The following KAZN variants were observed in gnomAD, a reference collection of about 807,000 sequenced individuals.
KAZN encodes kazrin, periplakin interacting protein.
A neutral mutation model predicts 87.4 loss-of-function variants in KAZN; 40 were observed. That is an observed-to-expected ratio of 0.46 (90% CI 0.36 to 0.60). The LOEUF is 0.60. Among genes scored for constraint, KAZN ranks in the 20% least tolerant of loss-of-function variants. KAZN has a pLI of 0.00. For synonymous variants in KAZN, 466 were observed against 458.3 expected (o/e 1.02, Z -0.22); for missense variants, 898 against 1,073.9 (o/e 0.84, Z 2.29).
intron 2 of KAZN, among the ~76,000 whole-genome samples, chr1:14,540,167 A>T (rs566825715): frequency 6.6e-6 from 1 of 152,302 alleles, no homozygotes; most frequent in Non-Finnish European, 1.5e-5. Flanking sequence ...CTTTCAGGGA[A>T]ATCAACGTTT....
At chr1:14,046,715 C>T (rs1217876513) in intron 1 of KAZN, among the ~76,000 whole-genome samples, 3 of 152,178 alleles carry the variant, frequency 2.0e-5, no homozygotes, top group Non-Finnish European at 4.4e-5. Flanking sequence ...TGCCCTCTTC[C>T]TTACCTGCAC....
intron 8 of KAZN, among the ~76,000 whole-genome samples, chr1:15,072,017 TCCAGAGGAC>T (rs1350715730): frequency 2.6e-5 from 4 of 152,148 alleles, no homozygotes; most frequent in African/African-American, 7.2e-5. Context: ...TTTGCCCCCA[TCCAGAGGAC>T]CCTTGTAGCC....
chr1:13,979,111 A>G (rs1234839402), intron 1 of KAZN, among the ~76,000 whole-genome samples: 1 of 151,946 alleles, frequency 6.6e-6, no homozygotes, highest in Non-Finnish European at 1.5e-5. Context: ...AAAAAAAAAA[A>G]GCAAAATTTG....
chr1:14,567,943 C>T (rs1271170929), intron 2 of KAZN, among the ~76,000 whole-genome samples: 3 of 152,210 alleles, frequency 2.0e-5, no homozygotes, highest in Non-Finnish European at 4.4e-5. Flanking sequence ...ATATAAACCC[C>T]CTCGCTTCAG....
chr1:14,656,353 C>A (rs1638791484), intron 1 of KAZN, among the ~76,000 whole-genome samples: 1 of 152,136 alleles, frequency 6.6e-6, no homozygotes, highest in Non-Finnish European at 1.5e-5. Context: ...TCCACCTAAC[C>A]CAGACAGTGG....
At chr1:14,285,447 CCAAGACTG>C (rs1372955645) in intron 2 of KAZN, among the ~76,000 whole-genome samples, 2 of 152,176 alleles carry the variant, frequency 1.3e-5, no homozygotes, top group Non-Finnish European at 2.9e-5. Flanking sequence ...TGAGAACTGG[CCAAGACTG>C]AGGCTCAGGA....
intron 1 of KAZN, among the ~76,000 whole-genome samples, chr1:13,992,985 T>A (rs766495311): frequency 6.6e-6 from 1 of 152,222 alleles, no homozygotes; most frequent in Non-Finnish European, 1.5e-5. Context: ...CACAGCATGA[T>A]AGAGTCTATG....
At chr1:14,034,250 G>T (rs1268541765) in intron 1 of KAZN, among the ~76,000 whole-genome samples, 3 of 152,112 alleles carry the variant, frequency 2.0e-5, no homozygotes, top group Non-Finnish European at 4.4e-5. Context: ...AGCCAATTTA[G>T]ATGTAGGAGG....
chr1:14,736,102 G>GT (rs1289590273), intron 1 of KAZN, among the ~76,000 whole-genome samples: 2 of 152,104 alleles, frequency 1.3e-5, no homozygotes, highest in Non-Finnish European at 2.9e-5. Context: ...AAAAACAGAA[G>GT]TTCCCCACAG....
intron 2 of KAZN, among the ~76,000 whole-genome samples, chr1:14,575,284 GA>G (rs1165073769): frequency 2.0e-5 from 3 of 151,990 alleles, no homozygotes; most frequent in African/African-American, 4.8e-5. Context: ...AATTTATAAA[GA>G]AAAAAAGATT....
chr1:14,819,673 C>G (rs74061903), intron 1 of KAZN, among the ~76,000 whole-genome samples: 1,759 of 151,388 alleles, frequency 0.012, 36 homozygotes, highest in African/African-American at 0.04. Context: ...CGAGTCCCCA[C>G]CATCATGTGA....
At chr1:15,046,256 C>T (rs1673495285) in intron 4 of KAZN, among the ~76,000 whole-genome samples, 2 of 149,272 alleles carry the variant, frequency 1.3e-5, no homozygotes, top group Admixed American at 1.3e-4. Flanking sequence ...CAAGGTCAAG[C>T]CGCTGCACTC....
rs1219653139 is a variant in KAZN at position 14,883,318 on chromosome 1, A to AAGAGAGAGAGAGAGAGAGAGAGAG, written c.227-77364_227-77341dup. Among the ~76,000 whole-genome samples the AAGAGAGAGAGAGAGAGAGAGAGAG allele has an allele frequency of 1.2e-3, 45 of 38,588 alleles. 2 individuals are homozygous for AAGAGAGAGAGAGAGAGAGAGAGAG. Among genetic ancestry groups the AAGAGAGAGAGAGAGAGAGAGAGAG allele is most frequent in the Admixed American group, 2.2e-3 (6 of 2,746 alleles). 25.3% of individuals were successfully genotyped at this position (38,588 alleles called of 152,430 possible). On this transcript the variant is annotated intron_variant, in intron 1 of 14. Coordinates refer to ENST00000376030, the MANE Select transcript of KAZN (RefSeq NM_201628.3). ...CTCAAAAGAAAGAAAGAAAGAAAGA[A>AAGAGAGAGAGAGAGAGAGAGAGAG]AGAGAGAGAGAGAGAGAGAGAGAGA...
intron 2 of KAZN, among the ~76,000 whole-genome samples, chr1:14,413,787 G>A (rs1041306293): frequency 1.3e-5 from 2 of 152,014 alleles, no homozygotes; most frequent in Non-Finnish European, 2.9e-5. Context: ...ATCACAGAGT[G>A]AGACTAGATA....
chr1:14,724,494 A>G (rs1190116911), intron 1 of KAZN, among the ~76,000 whole-genome samples: 1 of 152,198 alleles, frequency 6.6e-6, no homozygotes, highest in African/African-American at 2.4e-5. Context: ...TACTCAGCAT[A>G]GCTTACATGC....
At chr1:14,174,464 C>T (rs1489028963) in intron 1 of KAZN, among the ~76,000 whole-genome samples, 1 of 152,132 alleles carries the variant, frequency 6.6e-6, no homozygotes, top group East Asian at 1.9e-4. Context: ...CTAAGGCTAA[C>T]AGGTGTTGGG....
intron 1 of KAZN, among the ~76,000 whole-genome samples, chr1:14,943,239 T>C (rs1661354669): frequency 6.6e-6 from 1 of 151,928 alleles, no homozygotes; most frequent in South Asian, 2.1e-4. Context: ...AGAGCAAGAA[T>C]TAAAGTTCCG....
At chr1:14,080,749 C>A (rs1431059319) in intron 1 of KAZN, among the ~76,000 whole-genome samples, 1 of 152,152 alleles carries the variant, frequency 6.6e-6, no homozygotes, top group Admixed American at 6.5e-5. Flanking sequence ...TGTATCTGCT[C>A]GGAATATAGG....
rs1185153953 is a variant in KAZN, at chr1:14,593,582, C to T, written c.250-5401C>T. 3.3e-5 allele frequency among the ~76,000 whole-genome samples: 5 copies of T among 152,160 alleles called. No homozygotes were observed. In the East Asian group the frequency reaches 9.6e-4, roughly 29 times the overall value. ...TTGGAAACCCCAGGAGTTTAAAGAC[C>T]TTCACCCCAGGGAGCCAAACTCTTG... On this transcript the variant is annotated intron_variant, in intron 2 of 16. Transcript: ENST00000636203.
Sources: allele counts gnomAD v4.1 joint callset (sites outside exome capture counted in the v4.1 genomes callset), GRCh38; gene constraint gnomAD v4.1.1; transcripts MANE v1.5; gene names NCBI Gene and HGNC (gene_info 2026-07-23, HGNC 2026-07-21).